SHISAL2B: variants seen among roughly 807,000 people sequenced by gnomAD.
The protein encoded by SHISAL2B is protein shisa-like-2B.
SHISAL2B carries 12 observed loss-of-function variants against 16.5 expected under a neutral mutation model. That is an observed-to-expected ratio of 0.73 (90% CI 0.47 to 1.18). The LOEUF (loss-of-function observed/expected upper bound fraction) is 1.18. Among genes scored for constraint, SHISAL2B ranks in the 50% most tolerant of loss-of-function variants. SHISAL2B has a pLI of 0.00. For synonymous variants in SHISAL2B, 72 were observed against 75.0 expected, an observed-to-expected ratio of 0.96 and a Z score of 0.21; for missense variants, 183 against 193.6, an observed-to-expected ratio of 0.95 and a Z score of 0.33.
At chr5:64,712,814 G>C (rs1457195561) in intron 2 of SHISAL2B, among the ~76,000 whole-genome samples, 4 of 151,418 alleles carry the variant, frequency 2.6e-5, no homozygotes, top group African/African-American at 9.7e-5. Flanking sequence ...TGTCTCTTTT[G>C]ATCTTTGTTG....
At chr5:64,698,134 G>C (rs1741764283) in intron 2 of SHISAL2B, among the ~76,000 whole-genome samples, 1 of 152,172 alleles carries the variant, frequency 6.6e-6, no homozygotes, top group South Asian at 2.1e-4. Flanking sequence ...AATTGCTTAG[G>C]TAAAGTTGCA....
chr5:64,692,513 G>A (rs1294179296), intron 1 of SHISAL2B, among the ~76,000 whole-genome samples: 1 of 152,156 alleles, frequency 6.6e-6, no homozygotes, highest in Admixed American at 6.5e-5. Flanking sequence ...GAACACAATA[G>A]GGAGGTAAAT....
Position 64,690,523 on chromosome 5 carries a change from C to T in SHISAL2B, c.-101C>T, listed in dbSNP as rs549866556. 1.0e-6 allele frequency: 1 copy of T among 978,062 alleles called. No homozygotes were observed. Among genetic ancestry groups the T allele is most frequent in the Non-Finnish European group, 1.4e-6 (1 of 719,566 alleles). 60.6% of individuals were successfully genotyped at this position (978,062 alleles called of 1,614,324 possible). A position where few individuals can be genotyped will look rare whatever the true frequency, so the allele number is the denominator to read the frequency against. On this transcript the variant is annotated 5_prime_UTR_variant, in exon 1 of 3. Transcript: ENST00000389074. ...CAGCCAGAGCCCAGATCGGAAGAGCCGAGTCCGGGCAGAGGGGTCCGCGGG... is the reference window on the plus strand; with the variant it reads ...CAGCCAGAGCCCAGATCGGAAGAGCTGAGTCCGGGCAGAGGGGTCCGCGGG...
intron 2 of SHISAL2B, among the ~76,000 whole-genome samples, chr5:64,708,049 C>G (rs1307665752): frequency 3.9e-5 from 6 of 152,150 alleles, no homozygotes; most frequent in African/African-American, 1.4e-4. Flanking sequence ...CCACATTTTA[C>G]TAGCAATTTT....
At chr5:64,714,583 C>G (rs56194056) in intron 2 of SHISAL2B, among the ~76,000 whole-genome samples, 7 of 152,006 alleles carry the variant, frequency 4.6e-5, no homozygotes, top group Non-Finnish European at 7.4e-5. Flanking sequence ...TCGAGCTTCC[C>G]GGCTGCTTTG....
intron 2 of SHISAL2B, among the ~76,000 whole-genome samples, chr5:64,700,154 A>T (rs1404917840): frequency 6.6e-6 from 1 of 152,108 alleles, no homozygotes; most frequent in East Asian, 1.9e-4. Context: ...CTGAGTCTAC[A>T]CTCTGAGGGT....
intron 2 of SHISAL2B, among the ~76,000 whole-genome samples, chr5:64,707,502 G>A (rs1057070007): frequency 3.4e-4 from 52 of 152,206 alleles, no homozygotes; most frequent in Non-Finnish European, 1.3e-4. Flanking sequence ...TTAAAGGAAA[G>A]CATGCTATTC....
intron 1 of SHISAL2B, among the ~76,000 whole-genome samples, chr5:64,695,264 C>CAAA (rs33996841): frequency 3.8e-5 from 5 of 130,604 alleles, no homozygotes; most frequent in Admixed American, 7.7e-5. Flanking sequence ...GACACCATCT[C>CAAA]AAAAAAAAAA....
chr5:64,696,929 G>A (rs1182209771), intron 2 of SHISAL2B, among the ~76,000 whole-genome samples: 1 of 152,128 alleles, frequency 6.6e-6, no homozygotes, highest in African/African-American at 2.4e-5. Context: ...TTTGACGCTT[G>A]TGATCTTTGT....
At chr5:64,699,039 A>G (rs141489971) in intron 2 of SHISAL2B, among the ~76,000 whole-genome samples, 61 of 152,348 alleles carry the variant, frequency 4.0e-4, no homozygotes, top group Middle Eastern at 3.4e-3. Flanking sequence ...CAACAGAATT[A>G]GTTGGTTTGT....
intron 2 of SHISAL2B, among the ~76,000 whole-genome samples, chr5:64,710,699 CTCTTTTATTTCCTTGAG>C (rs1741946122): frequency 7.9e-6 from 1 of 126,216 alleles, no homozygotes; most frequent in African/African-American, 3.6e-5. Flanking sequence ...TGTTTGTATC[CTCTTTTATTTCCTTGAG>C]CAGTGGTTTG....
intron 2 of SHISAL2B, among the ~76,000 whole-genome samples, chr5:64,715,356 A>G (rs911548529): frequency 3.3e-5 from 5 of 152,254 alleles, no homozygotes; most frequent in South Asian, 4.1e-4. Context: ...GAGGATGTAC[A>G]GTAGCTACTT....
Position 64,695,674 on chromosome 5 carries a change from A to G in SHISAL2B, c.349+10A>G. On this transcript the variant is annotated intron_variant, in intron 2 of 2. Transcript: ENST00000389074. ...TCTTCCACTCAAGAAGGTAATCAGTATCTATTATTTGTTACCAATTACCTG... is the reference window on the plus strand; with the variant it reads ...TCTTCCACTCAAGAAGGTAATCAGTGTCTATTATTTGTTACCAATTACCTG... 1 of 1,512,852 alleles carries G rather than the reference A, an allele frequency of 6.6e-7. No individual in the cohort carries two copies. The highest frequency in any genetic ancestry group is 8.8e-7 in the Non-Finnish European group (1 of 1,133,864). 93.7% of individuals were successfully genotyped at this position (1,512,852 alleles called of 1,614,324 possible).
chr5:64,711,441 A>G (rs1181542082), intron 2 of SHISAL2B, among the ~76,000 whole-genome samples: 1 of 146,588 alleles, frequency 6.8e-6, no homozygotes, highest in African/African-American at 2.6e-5. Flanking sequence ...TCGGTTTGCC[A>G]GTATTTTATT....
chr5:64,698,323 T>C (rs1048596800), intron 2 of SHISAL2B, among the ~76,000 whole-genome samples: 4 of 152,226 alleles, frequency 2.6e-5, no homozygotes, highest in Admixed American at 2.0e-4. Context: ...GTCACTCCTC[T>C]GCTGAAAACA....
intron 1 of SHISAL2B, chr5:64,691,648 T>G (rs1293767267): frequency 6.6e-6 from 1 of 152,212 alleles, no homozygotes; most frequent in African/African-American, 2.4e-5. Flanking sequence ...AGTGGCAATT[T>G]TATTTTACTT....
rs747618789 is a variant in SHISAL2B at position 64,718,011 on chromosome 5, A to AT, written c.474dup (p.Ala159CysfsTer10). On this transcript the variant is annotated frameshift_variant, in exon 3 of 3. Coordinates refer to ENST00000389074, the MANE Select transcript of SHISAL2B (RefSeq NM_001164442.2). LOFTEE classifies it high-confidence loss of function. ...AACAATGGATGCAACACAAATCCAC[A>AT]TTGCTTATTAACTAAAAATTCTGTG... 3 of 1,505,132 alleles carry AT rather than the reference A, an allele frequency of 2.0e-6. No individual in the cohort carries two copies. Among genetic ancestry groups the AT allele is most frequent in the Non-Finnish European group, 2.6e-6 (3 of 1,139,378 alleles). 93.2% of individuals were successfully genotyped at this position (1,505,132 alleles called of 1,614,324 possible). A position where few individuals can be genotyped will look rare whatever the true frequency, so the allele number is the denominator to read the frequency against.
intron 2 of SHISAL2B, among the ~76,000 whole-genome samples, chr5:64,714,851 T>C (rs1411793998): frequency 6.6e-6 from 1 of 152,234 alleles, no homozygotes; most frequent in Non-Finnish European, 1.5e-5. Flanking sequence ...GGGAACTCTC[T>C]GACCCCTTGC....
chr5:64,702,086 A>G (rs542426505), intron 2 of SHISAL2B, among the ~76,000 whole-genome samples: 2 of 152,362 alleles, frequency 1.3e-5, no homozygotes, highest in Admixed American at 1.3e-4. Context: ...ACCAAAAGAT[A>G]TAAAGATAAA....
Sources: gnomAD v4.1 joint callset for allele counts (sites outside exome capture counted in the v4.1 genomes callset) on GRCh38, gnomAD v4.1.1 for gene constraint, MANE v1.5 for transcripts, NCBI Gene and HGNC (gene_info 2026-07-23, HGNC 2026-07-21) for gene names.